The following STX18 variants were observed in gnomAD, a reference collection of about 807,000 sequenced individuals.
STX18 encodes the protein syntaxin 18.
STX18 carries 40 observed loss-of-function variants against 50.1 expected under a neutral mutation model. That is an observed-to-expected ratio of 0.80 (90% CI 0.62 to 1.04). The LOEUF is 1.04. STX18 is among the 50% of genes least tolerant of loss of function. STX18 has a pLI of 0.00. For synonymous variants in STX18, 158 were observed against 151.8 expected (o/e 1.04, Z -0.30); for missense variants, 410 against 415.8 (o/e 0.99, Z 0.12).
At chr4:4,425,002 T>A (rs547567360) in intron 8 of STX18, among the ~76,000 whole-genome samples, 162 bp downstream of exon 8, 7 of 152,236 alleles carry the variant, frequency 4.6e-5, no homozygotes, top group Non-Finnish European at 7.4e-5. Context: ...GAGTTGTGGA[T>A]TCAGGCCACA....
chr4:4,512,401 C>T (rs1191359062), intron 1 of STX18, among the ~76,000 whole-genome samples: 1 of 152,048 alleles, frequency 6.6e-6, no homozygotes, highest in Non-Finnish European at 1.5e-5. Context: ...TACCCCTGGT[C>T]CATGACCTAG....
intron 1 of STX18, chr4:4,507,302 C>T (rs111525654): frequency 2.6e-4 from 186 of 722,348 alleles, no homozygotes; most frequent in Non-Finnish European, 4.2e-4. Context: ...GAAAAGAACT[C>T]GGACCTCAAG....
At chr4:4,472,108 C>G (rs6841963) in intron 1 of STX18, among the ~76,000 whole-genome samples, 53,333 of 152,082 alleles carry the variant, frequency 0.35, 12,987 homozygotes, top group African/African-American at 0.7. Flanking sequence ...GAAGCTGTTG[C>G]GTTTGTAAAT....
chr4:4,432,379 CCA>C (rs1291767902), intron 7 of STX18, among the ~76,000 whole-genome samples: 5 of 152,256 alleles, frequency 3.3e-5, no homozygotes, highest in Non-Finnish European at 7.3e-5. Context: ...GGCATGCATG[CCA>C]CAGTCCTTCC....
chr4:4,461,714 G>A (rs965399305), intron 2 of STX18, among the ~76,000 whole-genome samples: 4 of 152,144 alleles, frequency 2.6e-5, no homozygotes, highest in Non-Finnish European at 5.9e-5. Flanking sequence ...AATAAGGGTG[G>A]TCTTTCTCCA....
intron 1 of STX18, among the ~76,000 whole-genome samples, chr4:4,536,307 C>T (rs1731326756): frequency 1.3e-5 from 2 of 152,238 alleles, no homozygotes; most frequent in South Asian, 4.1e-4. Context: ...TAAGCACCTG[C>T]ATCCCCACAC....
At chr4:4,467,850 T>C (rs946197772) in intron 2 of STX18, among the ~76,000 whole-genome samples, 1 of 151,966 alleles carries the variant, frequency 6.6e-6, no homozygotes, top group Admixed American at 6.6e-5. Context: ...GGAGTTCTTA[T>C]GGGATAGATG....
chr4:4,442,488 G>A (rs991341110), intron 5 of STX18, among the ~76,000 whole-genome samples: 3 of 152,084 alleles, frequency 2.0e-5, no homozygotes, highest in African/African-American at 7.2e-5. Context: ...GTGGTGGCAC[G>A]CACCTGTAGT....
At position 4,541,680 on chromosome 4, in the gene STX18, C is replaced by G. The variant is rs113384489; in HGVS notation, c.168+117G>C. Reference sequence around the variant, plus strand: ...TCTCTGAGGCCAACTCTTCTGTCCCCCTTAGAGCCACCCCCTTCACACAAT... The same window carrying G: ...TCTCTGAGGCCAACTCTTCTGTCCCGCTTAGAGCCACCCCCTTCACACAAT... On this transcript the variant is annotated intron_variant, in intron 1 of 10. Transcript: ENST00000306200. 31 of 1,233,362 alleles carry G rather than the reference C, an allele frequency of 2.5e-5. No homozygotes were observed. In the African/African-American group the frequency reaches 3.7e-4, roughly 15 times the overall value. 76.4% of individuals were successfully genotyped at this position (1,233,362 alleles called of 1,614,324 possible). A position where few individuals can be genotyped will look rare whatever the true frequency, so the allele number is the denominator to read the frequency against.
intron 1 of STX18, among the ~76,000 whole-genome samples, chr4:4,525,665 T>C (rs978230405): frequency 3.3e-5 from 5 of 151,950 alleles, no homozygotes; most frequent in Admixed American, 6.6e-5. Context: ...GAAAATAGAG[T>C]CCTGCTCTCT....
At chr4:4,457,855 T>G (rs1033994346) in intron 3 of STX18, among the ~76,000 whole-genome samples, 10 of 152,124 alleles carry the variant, frequency 6.6e-5, no homozygotes, top group African/African-American at 2.4e-4. Flanking sequence ...AATCACACAC[T>G]CCTCCCTGCT....
At chr4:4,422,187 C>T (rs530669445) in intron 9 of STX18, among the ~76,000 whole-genome samples, 4 of 152,258 alleles carry the variant, frequency 2.6e-5, no homozygotes, top group African/African-American at 9.6e-5. Flanking sequence ...TGACCACTGC[C>T]AAGGTTCCAA....
chr4:4,488,796 C>T (rs1469836972), intron 1 of STX18, among the ~76,000 whole-genome samples: 2 of 152,096 alleles, frequency 1.3e-5, no homozygotes, highest in African/African-American at 4.8e-5. Context: ...AGGGGGTGGC[C>T]CTGAGCTTAT....
intron 7 of STX18, chr4:4,426,174 C>T (rs1360445977): frequency 6.6e-6 from 1 of 152,240 alleles, no homozygotes; most frequent in Non-Finnish European, 1.5e-5. Context: ...ATAGTAGCGC[C>T]CAACGGTCCC....
At chr4:4,437,664 G>T (rs1433340723) in intron 6 of STX18, 1 of 982,424 alleles carries the variant, frequency 1.0e-6, no homozygotes, top group Non-Finnish European at 1.2e-6. Flanking sequence ...TACGGAGAAG[G>T]ATGCTAAAGG....
chr4:4,428,770 G>A (rs757756061), intron 7 of STX18, among the ~76,000 whole-genome samples: 27 of 152,056 alleles, frequency 1.8e-4, no homozygotes, highest in Non-Finnish European at 3.1e-4. Flanking sequence ...TGCAAGGTGC[G>A]GTGCTGAATG....
chr4:4,483,873 C>A (rs538877245), intron 1 of STX18, among the ~76,000 whole-genome samples: 1 of 150,672 alleles, frequency 6.6e-6, no homozygotes, highest in East Asian at 1.9e-4. Flanking sequence ...TTTTTTTTTC[C>A]TTTTTGAGAC....
At chr4:4,524,610 T>C (rs1730667199) in intron 1 of STX18, among the ~76,000 whole-genome samples, 1 of 152,220 alleles carries the variant, frequency 6.6e-6, no homozygotes, top group African/African-American at 2.4e-5. Context: ...GCAAGGGCGT[T>C]AGAGGCGCCT....
intron 1 of STX18, among the ~76,000 whole-genome samples, chr4:4,526,126 G>A (rs1482770853): frequency 6.6e-6 from 1 of 152,134 alleles, no homozygotes. Flanking sequence ...GAGCGGTACT[G>A]AGCGCTTCTG....
Sources: gnomAD v4.1 joint callset for allele counts (sites outside exome capture counted in the v4.1 genomes callset) on GRCh38, gnomAD v4.1.1 for gene constraint, MANE v1.5 for transcripts, NCBI Gene and HGNC (gene_info 2026-07-23, HGNC 2026-07-21) for gene names.